Variants in GMEB2 observed in about 807,000 individuals in gnomAD.
GMEB2 encodes glucocorticoid modulatory element-binding protein 2.
A neutral mutation model predicts 45.7 loss-of-function variants in GMEB2; 7 were observed. That is an observed-to-expected ratio of 0.15 (90% CI 0.09 to 0.29). The LOEUF is 0.29. GMEB2 is among the 10% of genes least tolerant of loss of function. The pLI is 1.00. For synonymous variants in GMEB2, 322 were observed against 323.6 expected, an observed-to-expected ratio of 1.00 and a Z score of 0.05; for missense variants, 582 against 739.2, an observed-to-expected ratio of 0.79 and a Z score of 2.47.
chr20:63,594,102 GGTGA>G (rs756077352), intron 6 of GMEB2, among the ~76,000 whole-genome samples: 1 of 152,358 alleles, frequency 6.6e-6, no homozygotes, highest in Non-Finnish European at 1.5e-5. Flanking sequence ...ACATGGCAGT[GGTGA>G]GTATGACTCA....
At chr20:63,598,341 CTG>C (rs2083215226) in intron 4 of GMEB2, among the ~76,000 whole-genome samples, 1 of 121,872 alleles carries the variant, frequency 8.2e-6, no homozygotes, top group Admixed American at 9.5e-5. Flanking sequence ...TGCTCTCACT[CTG>C]ACACACACAC....
chr20:63,590,100 C>G lies in GMEB2; in HGVS notation c.1582G>C (p.Glu528Gln). 4.6e-6 allele frequency: 7 copies of G among 1,510,866 alleles called. No individual in the cohort carries two copies. The highest frequency in any genetic ancestry group is 6.2e-6 in the Non-Finnish European group (7 of 1,129,938). The allele number at this position is 1,510,866 out of a possible 1,614,324, so 93.6% of individuals were successfully genotyped here. The change falls in exon 10 of 10, where the codon GAG becomes CAG. Residue 528 changes from glutamate to glutamine, a missense_variant. Glu to Gln is a conservative substitution (Grantham distance 29). Transcript: ENST00000370077. ...IEVAAMAEDH[E>Q]RK ...CGCCCTCCTGTCGGCTACTTCCGCT[C>G]GTGGTCCTCTGCCATGGCAGCCACC...
In GMEB2 at chr20:63,592,181, G is replaced by A. The variant is rs748898426; in HGVS notation, c.830-37C>T. On this transcript the variant is annotated intron_variant, in intron 8 of 9. Coordinates refer to ENST00000370077, the MANE Select transcript of GMEB2 (RefSeq NM_012384.5). The surrounding 1 kb of genome is among the most constrained non-coding windows in gnomAD (Gnocchi z 8.2). The stretch of plus-strand genomic sequence containing the variant: ...ACGCGGACACTCAGTGAGAGCCCAA[G>A]CCCTTCCTAGAGAGCCACGCGGACG... 1.3e-6 allele frequency: 2 copies of A among 1,597,390 alleles called. No individual in the cohort carries two copies. Among genetic ancestry groups the A allele is most frequent in the East Asian group, 2.2e-5 (1 of 44,486 alleles).
At chr20:63,613,390 C>A (rs1292712684) in intron 2 of GMEB2, among the ~76,000 whole-genome samples, 1 of 152,250 alleles carries the variant, frequency 6.6e-6, no homozygotes, top group African/African-American at 2.4e-5. Flanking sequence ...GCCAGCCGTG[C>A]GCCTGTGTCT....
At chr20:63,614,625 G>A (rs1347271120) in intron 2 of GMEB2, among the ~76,000 whole-genome samples, 10 of 152,260 alleles carry the variant, frequency 6.6e-5, no homozygotes, top group Admixed American at 2.0e-4. Flanking sequence ...AGGCCTAACC[G>A]TCTCCCTGTG....
chr20:63,597,530 ATGAC>A (rs1291639026), intron 5 of GMEB2, among the ~76,000 whole-genome samples: 1 of 152,190 alleles, frequency 6.6e-6, no homozygotes, highest in Non-Finnish European at 1.5e-5. Flanking sequence ...GGAAATTAAA[ATGAC>A]TGACAAAACA....
At chr20:63,591,997 C>T (rs768972347) in intron 9 of GMEB2, 25 bp downstream of exon 9, 31 of 1,589,864 alleles carry the variant, frequency 1.9e-5, no homozygotes, top group East Asian at 4.5e-5. Context: ...GCCCAGGGGA[C>T]GGGACGGGGG....
intron 4 of GMEB2, among the ~76,000 whole-genome samples, chr20:63,600,114 C>T (rs2083231011): frequency 6.6e-6 from 1 of 151,902 alleles, no homozygotes. Context: ...CAATCTTGGG[C>T]TCACTGCAAC....
At chr20:63,597,141 C>T (rs934588979) in intron 5 of GMEB2, among the ~76,000 whole-genome samples, 4 of 149,522 alleles carry the variant, frequency 2.7e-5, no homozygotes, top group Non-Finnish European at 3.0e-5. Flanking sequence ...GGAACAGACC[C>T]TTTTCTTTTC....
intron 2 of GMEB2, among the ~76,000 whole-genome samples, chr20:63,618,698 G>A (rs2089625299): frequency 6.6e-6 from 1 of 152,166 alleles, no homozygotes; most frequent in African/African-American, 2.4e-5. Flanking sequence ...AAGGATGGCA[G>A]CCTGGGACTG....
intron 2 of GMEB2, among the ~76,000 whole-genome samples, chr20:63,607,784 A>C (rs371672330): frequency 1.4e-3 from 8 of 5,638 alleles, no homozygotes; most frequent in African/African-American, 2.3e-3. Flanking sequence ...CTGACCCCAC[A>C]TCCATTTCTA....
At chr20:63,606,678 C>A (rs1352482983) in intron 2 of GMEB2, among the ~76,000 whole-genome samples, 3 of 152,158 alleles carry the variant, frequency 2.0e-5, no homozygotes, top group Non-Finnish European at 4.4e-5. Context: ...AAAGAAAGAA[C>A]TTGGTGGCAA....
Position 63,597,769 on chromosome 20 carries a change from C to A in GMEB2, c.449G>T (p.Gly150Val). The change falls in exon 5 of 10, where the codon GGC becomes GTC. Residue 150 changes from glycine (G) to valine (V), a missense_variant. By Grantham distance (109) the Gly-to-Val change is moderately radical. Around this residue, in one of 3 missense-constraint regions of GMEB2, gnomAD observed 462 missense variants for 586.7 expected, o/e 0.79. Transcript: ENST00000370077. The stretch of plus-strand genomic sequence containing the variant: ...CGCCAGCGCCCACCTGAGCATGATG[C>A]CGTTCATGCGGATGGCTCTCTTCCA... ...KDWKRAIRMN[G>V]IMLRKIMDSG... The A allele has an allele frequency of 6.3e-7, 1 of 1,586,162 alleles. No individual in the cohort carries two copies. The highest frequency in any genetic ancestry group is 8.7e-7 in the Non-Finnish European group (1 of 1,154,572).
In GMEB2 at chr20:63,595,659, G is replaced by A; in HGVS notation, c.570C>T (p.Ser190=). The A allele has an allele frequency of 6.2e-7, 1 of 1,613,664 alleles. No individual in the cohort carries two copies. The highest frequency in any genetic ancestry group is 8.5e-7 in the Non-Finnish European group (1 of 1,179,714). The part of the protein sequence containing the change: ...IDLSGARVSL[S]SPTSAEYIPL... ...GAATGTACTCGGCCGACGTGGGGCTGCTCAGGGACACACGGGCTCCTGAGA... is the reference window on the plus strand; with the variant it reads ...GAATGTACTCGGCCGACGTGGGGCTACTCAGGGACACACGGGCTCCTGAGA... Residue 190 remains serine, a synonymous_variant, in exon 6 of 10, where the codon AGC becomes AGT. Coordinates refer to ENST00000370077, the MANE Select transcript of GMEB2 (RefSeq NM_012384.5).
At chr20:63,596,323 G>A (rs752097824) in intron 5 of GMEB2, among the ~76,000 whole-genome samples, 3 of 152,214 alleles carry the variant, frequency 2.0e-5, no homozygotes, top group Non-Finnish European at 4.4e-5. Flanking sequence ...GCTGAGAGCC[G>A]CCCTCCCAGG....
At chr20:63,610,320 G>C (rs1331513318) in intron 2 of GMEB2, among the ~76,000 whole-genome samples, 1 of 152,174 alleles carries the variant, frequency 6.6e-6, no homozygotes, top group African/African-American at 2.4e-5. Flanking sequence ...AGGAGATCGA[G>C]ACCATCCTGG....
At position 63,592,886 on chromosome 20, in the gene GMEB2, C is replaced by A; in HGVS notation, c.691+125G>T. The A allele has an allele frequency of 1.4e-6, 1 of 736,104 alleles. No homozygotes were observed. 45.6% of individuals were successfully genotyped at this position (736,104 alleles called of 1,614,324 possible). On this transcript the variant is annotated intron_variant, in intron 7 of 9. Transcript: ENST00000370077. This position sits in a 1 kb window ranked among gnomAD's most constrained non-coding sequence, Gnocchi z 8.2. ...CCACGACAATGCTGCTGGAACCAGG[C>A]CTTTCTCCACAAAGACCCTGCCGGC...
At chr20:63,612,958 T>C (rs560709979) in intron 2 of GMEB2, among the ~76,000 whole-genome samples, 4 of 152,168 alleles carry the variant, frequency 2.6e-5, no homozygotes, top group Admixed American at 2.6e-4. Context: ...GTTTCTTTCT[T>C]TCTTTTTCTT....
intron 3 of GMEB2, 22 bp downstream of exon 3, chr20:63,604,721 C>A: frequency 7.2e-7 from 1 of 1,397,738 alleles, no homozygotes; most frequent in Non-Finnish European, 1.0e-6. Context: ...AGGCAGACTT[C>A]CCACCTAGGA....
Sources: gnomAD v4.1 joint callset for allele counts (sites outside exome capture counted in the v4.1 genomes callset) on GRCh38, gnomAD v4.1.1 for gene constraint, gnomAD v4.1.1 regional missense constraint, Gnocchi (gnomAD v3.1) non-coding constraint, MANE v1.5 for transcripts, NCBI Gene and HGNC (gene_info 2026-07-23, HGNC 2026-07-21) for gene names.